SEMA3C: variants seen among roughly 807,000 people sequenced by gnomAD.
SEMA3C encodes the protein semaphorin 3C.
Under a neutral mutation model 89.4 loss-of-function variants are expected in SEMA3C, and 47 were observed. The observed-to-expected ratio is 0.53, with a 90% CI of 0.42 to 0.67. SEMA3C has a LOEUF of 0.67. Ranked by LOEUF, SEMA3C falls within the 30% of genes least tolerant of loss-of-function variation. The pLI is 0.00. For missense variants in SEMA3C, 839 were observed against 929.1 expected (o/e 0.90, Z 1.26); for synonymous variants, 310 against 320.2 (o/e 0.97, Z 0.34).
intron 2 of SEMA3C, among the ~76,000 whole-genome samples, chr7:80,881,555 G>A (rs1227919893): frequency 5.3e-5 from 8 of 152,166 alleles, no homozygotes; most frequent in Admixed American, 5.2e-4. Flanking sequence ...ACATGTGTAA[G>A]TGATTAGGAA....
At chr7:80,903,411 A>G (rs1034967982) in intron 2 of SEMA3C, among the ~76,000 whole-genome samples, 1 of 152,218 alleles carries the variant, frequency 6.6e-6, no homozygotes, top group African/African-American at 2.4e-5. Flanking sequence ...CTGTAATCCC[A>G]GCACTTTGGG....
chr7:80,854,147 G>A (rs916720651), intron 2 of SEMA3C, among the ~76,000 whole-genome samples: 1 of 152,124 alleles, frequency 6.6e-6, no homozygotes, highest in South Asian at 2.1e-4. Context: ...TGTGTTTTAG[G>A]TAAGGTTATT....
At chr7:80,802,095 C>T (rs1336616150) in intron 9 of SEMA3C, among the ~76,000 whole-genome samples, 1 of 152,016 alleles carries the variant, frequency 6.6e-6, no homozygotes, top group Non-Finnish European at 1.5e-5. Context: ...AATAAAAAAA[C>T]TGTTCCTTGG....
At chr7:80,841,928 A>T (rs571382555) in intron 2 of SEMA3C, among the ~76,000 whole-genome samples, 321 of 152,306 alleles carry the variant, frequency 2.1e-3, no homozygotes, top group African/African-American at 6.1e-3. Flanking sequence ...AAACAAAAAA[A>T]CAAGTCTGCA....
intron 2 of SEMA3C, among the ~76,000 whole-genome samples, chr7:80,833,275 A>C (rs1315046917): frequency 6.6e-6 from 1 of 152,000 alleles, no homozygotes; most frequent in Non-Finnish European, 1.5e-5. Flanking sequence ...TCTACTAAAA[A>C]TACAAAAATT....
intron 2 of SEMA3C, among the ~76,000 whole-genome samples, chr7:80,838,247 A>C (rs889447872): frequency 1.3e-5 from 2 of 152,166 alleles, no homozygotes; most frequent in Non-Finnish European, 2.9e-5. Context: ...GTTTACCCCA[A>C]CACCACCCTC....
At chr7:80,786,615 C>A (rs1246505666) in intron 12 of SEMA3C, among the ~76,000 whole-genome samples, 1 of 152,178 alleles carries the variant, frequency 6.6e-6, no homozygotes, top group African/African-American at 2.4e-5. Context: ...AAAAGCAAAT[C>A]TTTGTAGTCA....
intron 4 of SEMA3C, among the ~76,000 whole-genome samples, chr7:80,819,229 A>ATTT (rs777780440): frequency 0.086 from 13,073 of 152,190 alleles, 578 homozygotes; most frequent in African/African-American, 0.1. Flanking sequence ...GAAATATTAA[A>ATTT]ACAACATGGC....
At chr7:80,860,636 CA>C (rs1177911777) in intron 2 of SEMA3C, among the ~76,000 whole-genome samples, 1 of 152,138 alleles carries the variant, frequency 6.6e-6, no homozygotes, top group Non-Finnish European at 1.5e-5. Flanking sequence ...GGTAAAAATT[CA>C]GAGTTGAGGT....
chr7:80,912,881 G>C (rs553586057), intron 2 of SEMA3C, among the ~76,000 whole-genome samples: 1 of 152,238 alleles, frequency 6.6e-6, no homozygotes, highest in East Asian at 1.9e-4. Context: ...AGCTCATAAA[G>C]AGGCAATTTA....
At chr7:80,860,640 G>C (rs778147553) in intron 2 of SEMA3C, among the ~76,000 whole-genome samples, 3 of 152,176 alleles carry the variant, frequency 2.0e-5, no homozygotes, top group Non-Finnish European at 4.4e-5. Context: ...AAAATTCAGA[G>C]TTGAGGTTTG....
chr7:80,822,188 G>A (rs1789764642), intron 4 of SEMA3C, among the ~76,000 whole-genome samples: 1 of 152,162 alleles, frequency 6.6e-6, no homozygotes, highest in Middle Eastern at 3.4e-3. Context: ...AGAAAGGAGA[G>A]CATAATGTAT....
intron 2 of SEMA3C, among the ~76,000 whole-genome samples, chr7:80,833,144 G>A (rs952580754): frequency 3.3e-5 from 5 of 151,990 alleles, no homozygotes; most frequent in African/African-American, 7.2e-5. Flanking sequence ...TTAGAAAATC[G>A]TCAATCCAGG....
At chr7:80,919,787 A>C, upstream of SEMA3C, among the ~76,000 whole-genome samples, 1 of 151,886 alleles carries the variant, frequency 6.6e-6, no homozygotes, top group East Asian at 1.9e-4. Context: ...CAGGGCCAGG[A>C]TGGTCTGGAT....
At chr7:80,871,121 C>G (rs548074882) in intron 2 of SEMA3C, among the ~76,000 whole-genome samples, 1 of 152,224 alleles carries the variant, frequency 6.6e-6, no homozygotes, top group African/African-American at 2.4e-5. Flanking sequence ...TTGATGTGAC[C>G]TCATTCATTA....
chr7:80,810,323 C>A (rs968519718), intron 6 of SEMA3C, among the ~76,000 whole-genome samples: 1 of 151,946 alleles, frequency 6.6e-6, no homozygotes. Flanking sequence ...ACAGAAAACA[C>A]TGAAAACTAC....
At chr7:80,869,673 T>C (rs1280869217) in intron 2 of SEMA3C, among the ~76,000 whole-genome samples, 1 of 152,180 alleles carries the variant, frequency 6.6e-6, no homozygotes, top group African/African-American at 2.4e-5. Flanking sequence ...CTCCTGTCAG[T>C]GTTTAGAATT....
intron 16 of SEMA3C, among the ~76,000 whole-genome samples, chr7:80,749,457 A>G (rs996784305): frequency 3.3e-5 from 5 of 152,150 alleles, no homozygotes; most frequent in Non-Finnish European, 5.9e-5. Context: ...TCCCATTCCT[A>G]AAGTCCATAC....
chr7:80,884,105 A>C (rs1340847179), intron 2 of SEMA3C, among the ~76,000 whole-genome samples: 1 of 152,220 alleles, frequency 6.6e-6, no homozygotes, highest in Non-Finnish European at 1.5e-5. Flanking sequence ...TCTATTAATA[A>C]GCTCATTTTC....
Sources: allele counts gnomAD v4.1 joint callset (sites outside exome capture counted in the v4.1 genomes callset), GRCh38; gene constraint gnomAD v4.1.1; transcripts MANE v1.5; gene names NCBI Gene and HGNC (gene_info 2026-07-23, HGNC 2026-07-21).